ENPP2: variants seen among roughly 807,000 people sequenced by gnomAD.
ENPP2 encodes the protein autotaxin.
Under a neutral mutation model 120.2 loss-of-function variants are expected in ENPP2, and 51 were observed. That is an observed-to-expected ratio of 0.42 (90% CI 0.34 to 0.54). The LOEUF is 0.54. Among genes scored for constraint, ENPP2 ranks in the 20% least tolerant of loss-of-function variants. The pLI, the probability that ENPP2 is intolerant of heterozygous loss-of-function variation, is 0.04. For synonymous variants in ENPP2, 365 were observed against 366.4 expected, an observed-to-expected ratio of 1.00 and a Z score of 0.04; for missense variants, 920 against 1,066.5, an observed-to-expected ratio of 0.86 and a Z score of 1.91.
Position 119,568,168 on chromosome 8 carries a change from G to C in ENPP2, c.2131+7C>G. On this transcript the variant is annotated splice_region_variant and intron_variant, in intron 22 of 24. Transcript: ENST00000075322. ...ATAACAGTGTATTAGGTAAATATTG[G>C]ACTTACGTTTGAAAGCAGGATACAT... is the stretch of plus-strand genomic sequence containing the variant. The C allele has an allele frequency of 1.4e-6, 2 of 1,467,990 alleles. No individual in the cohort carries two copies. Among genetic ancestry groups the C allele is most frequent in the African/African-American group, 1.4e-5 (1 of 71,776 alleles). 90.9% of individuals were successfully genotyped at this position (1,467,990 alleles called of 1,614,324 possible). A position where few individuals can be genotyped will look rare whatever the true frequency, so the allele number is the denominator to read the frequency against.
exon 1 of ENPP2, chr8:119,673,372 G>A (rs751392953): frequency 7.3e-7 from 1 of 1,374,858 alleles, no homozygotes; most frequent in African/African-American, 1.4e-5. Flanking sequence ...GGCTGCTGCG[G>A]ACTGCTCTTG....
intron 1 of ENPP2, among the ~76,000 whole-genome samples, chr8:119,644,625 T>TATATACAC (rs1327738777): frequency 7.3e-4 from 54 of 74,300 alleles, no homozygotes; most frequent in African/African-American, 1.0e-3. Flanking sequence ...TATATATATA[T>TATATACAC]ACACACACAC....
intron 8 of ENPP2, among the ~76,000 whole-genome samples, chr8:119,615,279 T>C (rs1306044264): frequency 2.0e-5 from 3 of 152,092 alleles, no homozygotes; most frequent in African/African-American, 7.2e-5. Flanking sequence ...CCAATCAGAA[T>C]TGGCATGAGA....
Position 119,620,296 on chromosome 8 carries a change from G to T in ENPP2, c.419-992C>A, listed in dbSNP as rs149880574. Among the ~76,000 whole-genome samples the T allele has an allele frequency of 4.9e-3, 749 of 152,046 alleles. 6 individuals carry two copies. Among genetic ancestry groups the T allele is most frequent in the African/African-American group, 0.017 (719 of 41,474 alleles). ...TTTCTAACAGCCTTTGTGGCTTCCTGGTACACTTACTGCACAGGCAAATTA... is the reference window on the plus strand; with the variant it reads ...TTTCTAACAGCCTTTGTGGCTTCCTTGTACACTTACTGCACAGGCAAATTA... On this transcript the variant is annotated intron_variant, in intron 4 of 24. Transcript: ENST00000075322.
chr8:119,592,536 G>C (rs1813593781), intron 12 of ENPP2, among the ~76,000 whole-genome samples: 1 of 150,026 alleles, frequency 6.7e-6, no homozygotes, highest in Admixed American at 6.6e-5. Flanking sequence ...AAACCAAATG[G>C]ATCTACTCAT....
At chr8:119,663,086 C>T (rs560520031) in intron 1 of ENPP2, among the ~76,000 whole-genome samples, 37 of 148,414 alleles carry the variant, frequency 2.5e-4, no homozygotes, top group Non-Finnish European at 4.4e-4. Flanking sequence ...CGCTGCACTC[C>T]AGCCTGGGCA....
chr8:119,603,571 C>A (rs1204238828), intron 9 of ENPP2, among the ~76,000 whole-genome samples: 2 of 151,538 alleles, frequency 1.3e-5, no homozygotes, highest in South Asian at 2.1e-4. Context: ...AAAACGAGGA[C>A]AATATAATAG....
At chr8:119,582,650 A>G (rs780082191) in intron 17 of ENPP2, 48 bp from the exon 18 acceptor site, 4 of 1,344,196 alleles carry the variant, frequency 3.0e-6, no homozygotes, top group South Asian at 2.4e-5. Context: ...TATTTTTTTG[A>G]TGAGATATGG....
intron 3 of ENPP2, among the ~76,000 whole-genome samples, chr8:119,623,181 A>G (rs539730915): frequency 4.1e-4 from 62 of 152,220 alleles, no homozygotes; most frequent in African/African-American, 1.5e-3. Context: ...AAGAGATATT[A>G]CGGGCCAGGC....
intron 12 of ENPP2, among the ~76,000 whole-genome samples, chr8:119,592,082 G>A (rs898198194): frequency 2.6e-5 from 4 of 152,200 alleles, no homozygotes; most frequent in African/African-American, 4.8e-5. Flanking sequence ...TGAGGAAACT[G>A]AGACTTGCCA....
chr8:119,571,667 A>G (rs1038191045), intron 19 of ENPP2: 2 of 152,388 alleles, frequency 1.3e-5, no homozygotes, highest in Admixed American at 6.5e-5. Flanking sequence ...ACTTCCACAG[A>G]TTCTTGGAAA....
chr8:119,656,261 A>G (rs983306584), intron 1 of ENPP2, among the ~76,000 whole-genome samples: 12 of 152,092 alleles, frequency 7.9e-5, no homozygotes, highest in East Asian at 3.9e-4. Context: ...TATTTTTGCA[A>G]TTAATCTCAT....
chr8:119,563,683 T>C (rs529618740), intron 23 of ENPP2, among the ~76,000 whole-genome samples: 6 of 152,292 alleles, frequency 3.9e-5, no homozygotes, highest in Admixed American at 1.3e-4. Flanking sequence ...GGTTTTCTAT[T>C]ATCTTAATTT....
chr8:119,577,650 C>T (rs1812433838), intron 19 of ENPP2, among the ~76,000 whole-genome samples: 1 of 152,172 alleles, frequency 6.6e-6, no homozygotes, highest in African/African-American at 2.4e-5. Flanking sequence ...AATGTTGGTG[C>T]CACTAGGCCA....
intron 1 of ENPP2, among the ~76,000 whole-genome samples, chr8:119,663,451 C>T (rs1231105047): frequency 6.6e-6 from 1 of 152,158 alleles, no homozygotes; most frequent in Non-Finnish European, 1.5e-5. Flanking sequence ...CATTGTTTAT[C>T]TGAAACTGAA....
chr8:119,673,316 C>G, exon 1 of ENPP2: 1 of 1,534,370 alleles, frequency 6.5e-7, no homozygotes, highest in Non-Finnish European at 8.7e-7. Context: ...GCGCTGCGGA[C>G]GCGGCCTGGG....
At chr8:119,659,320 T>TAAAAAAAAAAAAAAAAAAAAAAAA (rs750701293) in intron 1 of ENPP2, among the ~76,000 whole-genome samples, 4 of 64,896 alleles carry the variant, frequency 6.2e-5, no homozygotes, top group Non-Finnish European at 1.4e-4. Context: ...CTGTCTCAAT[T>TAAAAAAAAAAAAAAAAAAAAAAAA]AAAAAAAAAA....
chr8:119,636,412 C>T (rs1186195949), intron 2 of ENPP2, among the ~76,000 whole-genome samples: 1 of 152,086 alleles, frequency 6.6e-6, no homozygotes, highest in African/African-American at 2.4e-5. Context: ...CAGGCATATC[C>T]AAACCATAAA....
chr8:119,573,742 G>A (rs1016667113), intron 19 of ENPP2, among the ~76,000 whole-genome samples: 3 of 152,182 alleles, frequency 2.0e-5, no homozygotes, highest in African/African-American at 7.2e-5. Flanking sequence ...CTGGGAGGCA[G>A]AGGATGCAGT....
Sources: allele counts gnomAD v4.1 joint callset (sites outside exome capture counted in the v4.1 genomes callset), GRCh38; gene constraint gnomAD v4.1.1; transcripts MANE v1.5; gene names NCBI Gene and HGNC (gene_info 2026-07-23, HGNC 2026-07-21).